The following SGCZ variants were observed in gnomAD, a reference collection of about 807,000 sequenced individuals.
The protein encoded by SGCZ is zeta-sarcoglycan.
In SGCZ, 40 loss-of-function variants were observed where a neutral mutation model predicts 41.3. The observed-to-expected ratio is 0.97, with a 90% CI of 0.75 to 1.26. SGCZ has a LOEUF of 1.26. Ranked by LOEUF, SGCZ falls within the 50% of genes most tolerant of loss-of-function variation. SGCZ has a pLI of 0.00. For synonymous variants in SGCZ, 206 were observed against 137.5 expected, an observed-to-expected ratio of 1.50 and a Z score of -3.49; for missense variants, 552 against 369.8, an observed-to-expected ratio of 1.49 and a Z score of -4.04.
chr8:14,710,385 A>G (rs964170795), intron 1 of SGCZ, among the ~76,000 whole-genome samples: 2 of 151,418 alleles, frequency 1.3e-5, no homozygotes, highest in African/African-American at 4.8e-5. Context: ...AAAAAAAAAA[A>G]AAAAAAGAAT....
intron 3 of SGCZ, among the ~76,000 whole-genome samples, chr8:14,249,120 T>C (rs1014455321): frequency 6.6e-6 from 1 of 152,134 alleles, no homozygotes; most frequent in Non-Finnish European, 1.5e-5. Flanking sequence ...GAATCAGTAG[T>C]CCCATTCAGG....
At chr8:14,622,602 C>T (rs1015064506) in intron 1 of SGCZ, among the ~76,000 whole-genome samples, 1 of 152,110 alleles carries the variant, frequency 6.6e-6, no homozygotes, top group African/African-American at 2.4e-5. Flanking sequence ...AAAATGTTTA[C>T]TCATTCAAGA....
At chr8:14,353,312 C>T (rs1052022594) in intron 2 of SGCZ, among the ~76,000 whole-genome samples, 1 of 152,070 alleles carries the variant, frequency 6.6e-6, no homozygotes, top group African/African-American at 2.4e-5. Flanking sequence ...CTTTAAAAGG[C>T]ATATTTCTTT....
intron 1 of SGCZ, among the ~76,000 whole-genome samples, chr8:14,987,763 T>C (rs528341012): frequency 1.5e-4 from 23 of 152,174 alleles, no homozygotes; most frequent in Non-Finnish European, 2.7e-4. Flanking sequence ...TGAAGTTGTA[T>C]TGCTTCATAA....
chr8:14,606,820 C>T (rs529149162), intron 1 of SGCZ, among the ~76,000 whole-genome samples: 1 of 152,048 alleles, frequency 6.6e-6, no homozygotes, highest in African/African-American at 2.4e-5. Flanking sequence ...GCTGTTATTG[C>T]TATCTTTAGT....
At chr8:14,785,111 G>C (rs894548462) in intron 1 of SGCZ, among the ~76,000 whole-genome samples, 1 of 150,414 alleles carries the variant, frequency 6.6e-6, no homozygotes. Context: ...ATTGTTTTTA[G>C]TGATTTTTCC....
chr8:15,184,442 G>A (rs779349796), intron 1 of SGCZ, among the ~76,000 whole-genome samples: 56 of 152,002 alleles, frequency 3.7e-4, no homozygotes, highest in Non-Finnish European at 6.5e-4. Flanking sequence ...TTCCTTCTGT[G>A]GCAAATCTGA....
At chr8:14,529,827 T>C (rs1302788529) in intron 2 of SGCZ, among the ~76,000 whole-genome samples, 1 of 152,096 alleles carries the variant, frequency 6.6e-6, no homozygotes, top group African/African-American at 2.4e-5. Context: ...ATTCTCATCT[T>C]TATTGTAAAG....
chr8:14,455,641 A>G (rs1800721643), intron 2 of SGCZ, among the ~76,000 whole-genome samples: 1 of 152,242 alleles, frequency 6.6e-6, no homozygotes, highest in African/African-American at 2.4e-5. Context: ...ATATGGAAAT[A>G]TATATGCATC....
rs754781463 is a variant in SGCZ, at chr8:14,576,058, C to T, written c.40-21132G>A. On this transcript the variant is annotated intron_variant, in intron 1 of 7. Coordinates refer to ENST00000382080, the MANE Select transcript of SGCZ (RefSeq NM_139167.4). ...ACCAACATCCTCACATGAATCTATACGCATGTAAGTCATGCTCACAAGCAT... is the reference window on the plus strand; with the variant it reads ...ACCAACATCCTCACATGAATCTATATGCATGTAAGTCATGCTCACAAGCAT... 6.6e-5 allele frequency among the ~76,000 whole-genome samples: 10 copies of T among 151,868 alleles called. No individual in the cohort carries two copies. The East Asian group carries it at 1.2e-3, about 18-fold the overall frequency.
At chr8:14,645,316 A>T (rs13265084) in intron 1 of SGCZ, among the ~76,000 whole-genome samples, 1 of 150,502 alleles carries the variant, frequency 6.6e-6, no homozygotes, top group Admixed American at 6.7e-5. Flanking sequence ...AATAATCATG[A>T]TTTTTTAAAT....
At chr8:14,582,894 A>G (rs373921289) in intron 1 of SGCZ, among the ~76,000 whole-genome samples, 6 of 149,836 alleles carry the variant, frequency 4.0e-5, no homozygotes, top group East Asian at 2.0e-4. Context: ...ACATTTTCTT[A>G]ATCCAGTCTA....
At chr8:14,903,593 G>C (rs1246673952) in intron 1 of SGCZ, among the ~76,000 whole-genome samples, 4 of 152,016 alleles carry the variant, frequency 2.6e-5, no homozygotes, top group African/African-American at 4.8e-5. Flanking sequence ...CTTTAGGTTG[G>C]AAAAAATTAG....
chr8:15,193,237 A>G (rs982961219), intron 1 of SGCZ, among the ~76,000 whole-genome samples: 6 of 152,082 alleles, frequency 3.9e-5, no homozygotes, highest in African/African-American at 1.5e-4. Context: ...GACATTTGGT[A>G]GAAGACTATA....
intron 6 of SGCZ, among the ~76,000 whole-genome samples, chr8:14,106,015 GA>G (rs143544221): frequency 6.6e-6 from 1 of 152,052 alleles, no homozygotes; most frequent in Non-Finnish European, 1.5e-5. Context: ...AAACACAGAT[GA>G]AAAAAATTGG....
intron 3 of SGCZ, among the ~76,000 whole-genome samples, chr8:14,319,830 G>C (rs568188585): frequency 1.3e-5 from 2 of 152,076 alleles, no homozygotes; most frequent in African/African-American, 4.8e-5. Context: ...ACACTGCAGG[G>C]AGTTAAGAAA....
intron 7 of SGCZ, among the ~76,000 whole-genome samples, chr8:14,100,349 T>TTAATAATAATCAATATTTATTATGAGCA (rs2116976278): frequency 6.6e-6 from 1 of 151,186 alleles, no homozygotes; most frequent in East Asian, 1.9e-4. Context: ...AAAATAGATA[T>TTAATAATAATCAATATTTATTATGAGCA]TAATAATAAT....
intron 1 of SGCZ, among the ~76,000 whole-genome samples, chr8:14,919,790 C>T (rs567960080): frequency 4.6e-5 from 7 of 151,914 alleles, no homozygotes; most frequent in East Asian, 3.9e-4. Context: ...TGGTGGTGCA[C>T]GCTTGTAATC....
At chr8:14,867,792 T>G (rs1803988986) in intron 1 of SGCZ, among the ~76,000 whole-genome samples, 2 of 151,364 alleles carry the variant, frequency 1.3e-5, no homozygotes, top group African/African-American at 4.9e-5. Context: ...AGGGAGAGGA[T>G]CAGGAAAAAT....
Sources: allele counts gnomAD v4.1 joint callset (sites outside exome capture counted in the v4.1 genomes callset), GRCh38; gene constraint gnomAD v4.1.1; transcripts MANE v1.5; gene names NCBI Gene and HGNC (gene_info 2026-07-23, HGNC 2026-07-21).